The following SPTAN1 variants were observed in gnomAD, a reference collection of about 807,000 sequenced individuals.
SPTAN1 encodes spectrin alpha, non-erythrocytic 1.
In SPTAN1, 61 loss-of-function variants were observed where a neutral mutation model predicts 331.3. The observed-to-expected ratio is 0.18, with a 90% CI of 0.15 to 0.23. The LOEUF is 0.23. Among genes scored for constraint, SPTAN1 ranks in the 10% least tolerant of loss-of-function variants. SPTAN1 has a pLI of 1.00. For synonymous variants in SPTAN1, 1,153 were observed against 1,173.9 expected (o/e 0.98, Z 0.36); for missense variants, 2,043 against 3,147.9 (o/e 0.65, Z 8.40).
At position 128,626,921 on chromosome 9, in the gene SPTAN1, C is replaced by T. The variant is rs1858845483; in HGVS notation, c.6576+234C>T. The stretch of plus-strand genomic sequence containing the variant: ...CCTCAACCTCCCAGGCTCAGGTGAT[C>T]CTCTTGCCTGAGCCTCTTGAATAAC... On this transcript the variant is annotated intron_variant, in intron 49 of 56. Transcript: ENST00000372739. 4.8e-6 allele frequency: 3 copies of T among 628,422 alleles called. No individual in the cohort carries two copies. In the Admixed American group the frequency reaches 6.5e-5, roughly 14 times the overall value. The allele number at this position is 628,422 out of a possible 1,614,324, so 38.9% of individuals were successfully genotyped here. A position where few individuals can be genotyped will look rare whatever the true frequency, so the allele number is the denominator to read the frequency against.
chr9:128,617,955 C>G, intron 42 of SPTAN1, 32 bp from the exon 43 acceptor site: 1 of 1,614,134 alleles, frequency 6.2e-7, no homozygotes, highest in Non-Finnish European at 8.5e-7. Flanking sequence ...GAAGAGCTAC[C>G]TGCTGTTAAC....
chr9:128,563,011 T>C (rs1046143895), intron 1 of SPTAN1, among the ~76,000 whole-genome samples: 226 of 142,690 alleles, frequency 1.6e-3, no homozygotes, highest in African/African-American at 4.6e-3. Context: ...TATATATATA[T>C]ATATATATAT....
intron 49 of SPTAN1, chr9:128,626,955 C>A: frequency 1.6e-6 from 1 of 614,844 alleles, no homozygotes; most frequent in Non-Finnish European, 3.0e-6. Context: ...ACTGGGACTA[C>A]AAGCACGTGC....
chr9:128,574,517 A>G (rs1280610602), intron 3 of SPTAN1, among the ~76,000 whole-genome samples, 158 bp from the exon 4 acceptor site: 2 of 152,074 alleles, frequency 1.3e-5, no homozygotes, highest in African/African-American at 4.8e-5. Flanking sequence ...CCCTACTGCC[A>G]GTTAAATTTA....
chr9:128,603,737 A>T, intron 28 of SPTAN1, 147 bp downstream of exon 28: 1 of 1,027,716 alleles, frequency 9.7e-7, no homozygotes, highest in Non-Finnish European at 1.5e-6. Flanking sequence ...CTAAGTAAAC[A>T]TCAGCACATT....
chr9:128,618,922 G>T lies in SPTAN1; in HGVS notation c.5652G>T (p.Val1884=), dbSNP rs1857515734. 6.2e-7 allele frequency: 1 copy of T among 1,614,062 alleles called. No homozygotes were observed. The highest frequency in any genetic ancestry group is 8.5e-7 in the Non-Finnish European group (1 of 1,180,030). ...SLEYQQFVAN[V]EEEEAWINEK... is the part of the protein sequence containing the mutation. ...AATATCAGCAGTTTGTAGCCAATGT[G>T]GAAGAGGAAGAAGCCTGGATCAATG... Residue 1884 remains valine, a synonymous_variant, in exon 44 of 57, where the codon GTG becomes GTT. Transcript: ENST00000372739.
intron 1 of SPTAN1, among the ~76,000 whole-genome samples, chr9:128,561,278 C>T (rs190643546): frequency 1.3e-5 from 2 of 151,288 alleles, no homozygotes; most frequent in South Asian, 4.2e-4. Context: ...GAGGCTGAGG[C>T]AGGAGAATTG....
At chr9:128,623,537 C>CCT (rs1858235077) in intron 45 of SPTAN1, among the ~76,000 whole-genome samples, 1 of 151,836 alleles carries the variant, frequency 6.6e-6, no homozygotes, top group African/African-American at 2.4e-5. Flanking sequence ...CTCACTGCAG[C>CCT]CTCCACCTCC....
At chr9:128,556,601 A>G (rs989468624) in intron 1 of SPTAN1, among the ~76,000 whole-genome samples, 2 of 152,202 alleles carry the variant, frequency 1.3e-5, no homozygotes, top group African/African-American at 4.8e-5. Flanking sequence ...GCATTTCTGG[A>G]TTTTGATGCA....
intron 16 of SPTAN1, 30 bp from the exon 17 acceptor site, chr9:128,584,252 A>C (rs765221735): frequency 2.5e-6 from 4 of 1,614,124 alleles, no homozygotes; most frequent in Admixed American, 3.3e-5. Context: ...CACCCAAAGT[A>C]AAGTCTGCTC....
At chr9:128,607,822 G>A in intron 32 of SPTAN1, 30 bp from the exon 33 acceptor site, 1 of 1,613,616 alleles carries the variant, frequency 6.2e-7, no homozygotes, top group Non-Finnish European at 8.5e-7. Flanking sequence ...TCTGCTGCCA[G>A]TTACCTAATC....
At chr9:128,594,804 C>CTTTTTTTTTTT (rs10594067) in intron 24 of SPTAN1, among the ~76,000 whole-genome samples, 3 of 90,546 alleles carry the variant, frequency 3.3e-5, no homozygotes, top group African/African-American at 4.0e-5. Flanking sequence ...ATGTATGTAG[C>CTTTTTTTTTTT]TTTTTTTTTT....
intron 1 of SPTAN1, chr9:128,555,405 TG>T: frequency 7.8e-7 from 1 of 1,289,468 alleles, no homozygotes; most frequent in Non-Finnish European, 1.0e-6. Context: ...TCCAGGTATT[TG>T]ACGAGCATGC....
rs768999930 is a variant in SPTAN1 at position 128,626,369 on chromosome 9, A to G, written c.6280-22A>G. The G allele has an allele frequency of 1.2e-5, 20 of 1,612,604 alleles. No individual in the cohort carries two copies. The East Asian group carries it at 2.9e-4, about 23-fold the overall frequency. On this transcript the variant is annotated intron_variant, in intron 48 of 56. Coordinates refer to ENST00000372739, the MANE Select transcript of SPTAN1 (RefSeq NM_001130438.3). ...ACGTCCAGCCCTGGCGACTCCGCCAACTCAGTCTCTTCTGCTTCCAGGTGG... is the reference window on the plus strand; with the variant it reads ...ACGTCCAGCCCTGGCGACTCCGCCAGCTCAGTCTCTTCTGCTTCCAGGTGG...
intron 37 of SPTAN1, chr9:128,611,471 A>G (rs984895509): frequency 1.0e-5 from 5 of 476,406 alleles, no homozygotes; most frequent in Non-Finnish European, 1.1e-5. Context: ...CCCTGTCTCA[A>G]AAAAAAGGAC....
intron 26 of SPTAN1, chr9:128,599,856 T>TA (rs534765749): frequency 2.2e-5 from 13 of 592,792 alleles, no homozygotes; most frequent in South Asian, 4.2e-5. Flanking sequence ...TTCTACTGGA[T>TA]AAAAAAATTG....
chr9:128,631,882 T>G (rs1300083846), intron 52 of SPTAN1: 6 of 556,822 alleles, frequency 1.1e-5, no homozygotes, highest in Non-Finnish European at 1.9e-5. Context: ...GTCCTTGGCG[T>G]GCACTGCCCT....
intron 24 of SPTAN1, 149 bp from the exon 25 acceptor site, chr9:128,598,251 T>G: frequency 1.2e-5 from 8 of 653,338 alleles, no homozygotes; most frequent in East Asian, 3.0e-5. Flanking sequence ...CCCCCAGCCA[T>G]AGCTTATTTT....
Position 128,579,706 on chromosome 9 carries a change from G to T in SPTAN1, c.1291G>T (p.Gly431Cys). Residue 431 changes from glycine to cysteine, a missense_variant, in exon 10 of 57, where the codon GGT becomes TGT. By Grantham distance (159) the Gly-to-Cys change is radical. Around this residue, in one of 12 missense-constraint regions of SPTAN1, gnomAD observed 1,038 missense variants for 1,531.5 expected, o/e 0.68. Coordinates refer to ENST00000372739, the MANE Select transcript of SPTAN1 (RefSeq NM_001130438.3). ...ATCTGGACAGGCACTGCTTGCTGCTGGTCACTATGCCTCAGATGAAGTGAG... is the reference window on the plus strand; with the variant it reads ...ATCTGGACAGGCACTGCTTGCTGCTTGTCACTATGCCTCAGATGAAGTGAG... ...DESGQALLAA[G>C]HYASDEVREK... The T allele has an allele frequency of 1.2e-6, 2 of 1,614,026 alleles. No homozygotes were observed. The highest frequency in any genetic ancestry group is 1.7e-6 in the Non-Finnish European group (2 of 1,179,976).
Sources: allele counts gnomAD v4.1 joint callset (sites outside exome capture counted in the v4.1 genomes callset), GRCh38; gene constraint gnomAD v4.1.1; regional missense constraint gnomAD v4.1.1; transcripts MANE v1.5; gene names NCBI Gene and HGNC (gene_info 2026-07-23, HGNC 2026-07-21).